The following AGL variants were observed in gnomAD, a reference collection of about 807,000 sequenced individuals.
AGL encodes the protein glycogen debranching enzyme.
A neutral mutation model predicts 199.3 loss-of-function variants in AGL; 128 were observed. The observed-to-expected ratio is 0.64, with a 90% CI of 0.56 to 0.74. AGL has a LOEUF of 0.74. Ranked by LOEUF, AGL falls within the 30% of genes least tolerant of loss-of-function variation. AGL has a pLI of 0.00. For missense variants in AGL, 1,809 were observed against 1,820.8 expected (o/e 0.99, Z 0.12); for synonymous variants, 584 against 594.7 (o/e 0.98, Z 0.26).
chr1:99,885,636 T>C (rs188478568), intron 20 of AGL, among the ~76,000 whole-genome samples: 1 of 152,222 alleles, frequency 6.6e-6, no homozygotes, highest in East Asian at 1.9e-4. Flanking sequence ...TAGATTCTCA[T>C]AGGGACGTGA....
intron 20 of AGL, among the ~76,000 whole-genome samples, chr1:99,884,973 C>T (rs1652344434): frequency 6.6e-6 from 1 of 152,198 alleles, no homozygotes; most frequent in South Asian, 2.1e-4. Context: ...TACACACACA[C>T]ACAATTTCTC....
intron 20 of AGL, among the ~76,000 whole-genome samples, chr1:99,885,581 G>A (rs753895472): frequency 3.0e-4 from 45 of 152,058 alleles, no homozygotes; most frequent in Non-Finnish European, 5.4e-4. Context: ...CCCATCACTC[G>A]CATTACCACC....
In AGL at chr1:99,887,418, A is replaced by G. The variant is rs115248505; in HGVS notation, c.2682-560A>G. Among the ~76,000 whole-genome samples, 659 of 152,324 alleles carry G rather than the reference A, an allele frequency of 4.3e-3. 1 individual carries two copies. The highest frequency in any genetic ancestry group is 0.015 in the African/African-American group (621 of 41,576). On this transcript the variant is annotated intron_variant, in intron 20 of 33. Coordinates refer to ENST00000361915, the MANE Select transcript of AGL (RefSeq NM_000642.3). ...AATAAACAAGCTGAGGGGCAGTGCA[A>G]CCTTAGAGAAGAGAAAGGAAGGGAC... is the stretch of plus-strand genomic sequence containing the variant.
At chr1:99,905,372 TTTG>T (rs150259594) in intron 27 of AGL, among the ~76,000 whole-genome samples, 2,076 of 150,978 alleles carry the variant, frequency 0.014, 38 homozygotes, top group African/African-American at 0.042. Context: ...ATTTTTTGTA[TTTG>T]TTGTTGTTGT....
In AGL at chr1:99,891,750, C is replaced by A; in HGVS notation, c.3083+11C>A. 1 of 1,613,186 alleles carries A rather than the reference C, an allele frequency of 6.2e-7. No homozygotes were observed. The highest frequency in any genetic ancestry group is 8.5e-7 in the Non-Finnish European group (1 of 1,179,408). Reference sequence around the variant, plus strand: ...GAAGCAGATGTCAAGGTATATCCAACAAAGCTTGAATAAATGGGCATATCT... The same window carrying A: ...GAAGCAGATGTCAAGGTATATCCAAAAAAGCTTGAATAAATGGGCATATCT... On this transcript the variant is annotated intron_variant, in intron 23 of 33. Coordinates refer to ENST00000361915, the MANE Select transcript of AGL (RefSeq NM_000642.3).
At chr1:99,886,819 T>C (rs1418527445) in intron 20 of AGL, among the ~76,000 whole-genome samples, 1 of 152,234 alleles carries the variant, frequency 6.6e-6, no homozygotes, top group East Asian at 1.9e-4. Context: ...CAAACTATTC[T>C]TAATAAAGTA....
At chr1:99,871,683 A>G (rs1406492918) in intron 7 of AGL, among the ~76,000 whole-genome samples, 3 of 152,178 alleles carry the variant, frequency 2.0e-5, no homozygotes, top group Non-Finnish European at 2.9e-5. Context: ...AACTTTTGCA[A>G]TTGTGTAACA....
At chr1:99,912,668 G>T (rs146682662) in intron 29 of AGL, 151 bp downstream of exon 29, 15 of 685,166 alleles carry the variant, frequency 2.2e-5, no homozygotes, top group Non-Finnish European at 3.4e-5. Context: ...TGTGAAAATT[G>T]TAACAATTCT....
intron 24 of AGL, among the ~76,000 whole-genome samples, chr1:99,894,272 TCTTA>T (rs1653136671): frequency 6.6e-6 from 1 of 152,200 alleles, no homozygotes; most frequent in Non-Finnish European, 1.5e-5. Context: ...AGTTGTGTAC[TCTTA>T]GAGGTCAAAA....
chr1:99,889,129 G>A (rs1652682707), intron 21 of AGL, among the ~76,000 whole-genome samples: 1 of 152,054 alleles, frequency 6.6e-6, no homozygotes, highest in African/African-American at 2.4e-5. Context: ...ATTATGGTTA[G>A]GATTAATGAA....
In AGL at chr1:99,897,565, G is replaced by A. The variant is rs141548263; in HGVS notation, c.3362+1177G>A. On this transcript the variant is annotated intron_variant, in intron 25 of 33. Transcript: ENST00000361915. Reference sequence around the variant, plus strand: ...AAATGAATTGCATTTTTGTTAATCCGATATATAGTAAGACCTTTTTGTATT... The same window carrying A: ...AAATGAATTGCATTTTTGTTAATCCAATATATAGTAAGACCTTTTTGTATT... Among the ~76,000 whole-genome samples, 549 of 152,234 alleles carry A rather than the reference G, an allele frequency of 3.6e-3. 1 individual carries two copies. Among genetic ancestry groups the A allele is most frequent in the African/African-American group, 0.013 (528 of 41,526 alleles).
rs777871903 is a variant in AGL, at chr1:99,880,684, T to C, written c.1788T>C (p.Tyr596=). 7 of 1,614,076 alleles carry C rather than the reference T, an allele frequency of 4.3e-6. No homozygotes were observed. The highest frequency in any genetic ancestry group is 4.2e-6 in the Non-Finnish European group (5 of 1,179,932). The stretch of plus-strand genomic sequence containing the variant: ...AAGAGGGCAGATTAGTTTACCGATA[T>C]GGAGGAGAACCTGTTGGATCCTTTG... ...SHEEGRLVYR[Y]GGEPVGSFVQ... is the part of the protein sequence containing the mutation. Residue 596 remains tyrosine (Y), a synonymous_variant, in exon 14 of 34, where the codon TAT becomes TAC. Transcript: ENST00000361915.
intron 33 of AGL, among the ~76,000 whole-genome samples, chr1:99,918,722 G>A (rs1260138617): frequency 6.6e-6 from 1 of 152,024 alleles, no homozygotes; most frequent in Non-Finnish European, 1.5e-5. Flanking sequence ...GCTTTGTTTT[G>A]GAATGCAGTG....
rs1651979596 is a variant in AGL, at chr1:99,881,104, G to A, written c.1928G>A (p.Ser643Asn). 6.2e-7 allele frequency: 1 copy of A among 1,613,904 alleles called. No individual in the cohort carries two copies. Among genetic ancestry groups the A allele is most frequent in the East Asian group, 2.2e-5 (1 of 44,856 alleles). Residue 643 changes from serine (S) to asparagine (N), a missense_variant, in exon 15 of 34, where the codon AGT (serine) becomes AAT (asparagine). Physicochemically the swap from Ser to Asn is conservative, Grantham distance 46. Coordinates refer to ENST00000361915, the MANE Select transcript of AGL (RefSeq NM_000642.3). The part of the protein sequence containing the change: ...VHRSAYDALP[S>N]TTIVSMACCA... Reference sequence around the variant, plus strand: ...AGATCAGCGTATGATGCTCTTCCAAGTACTACAATTGTTTCTATGGCATGT... The same window carrying A: ...AGATCAGCGTATGATGCTCTTCCAAATACTACAATTGTTTCTATGGCATGT...
At chr1:99,887,331 A>G (rs949143035) in intron 20 of AGL, among the ~76,000 whole-genome samples, 3 of 152,180 alleles carry the variant, frequency 2.0e-5, no homozygotes, top group African/African-American at 4.8e-5. Context: ...CAAGGCCATG[A>G]TAGTCTTCCC....
intron 5 of AGL, among the ~76,000 whole-genome samples, chr1:99,866,871 T>C (rs1433712635): frequency 4.6e-5 from 7 of 151,896 alleles, no homozygotes; most frequent in Admixed American, 4.6e-4. Flanking sequence ...CAGGCTGGAG[T>C]GCAATGGCGC....
intron 7 of AGL, 178 bp from the exon 8 acceptor site, chr1:99,874,509 A>C: frequency 3.3e-6 from 2 of 614,184 alleles, no homozygotes; most frequent in Non-Finnish European, 5.6e-6. Flanking sequence ...GCGTGCACGC[A>C]CGTGCACACA....
chr1:99,874,570 A>G, intron 7 of AGL, 117 bp from the exon 8 acceptor site: 5 of 1,033,490 alleles, frequency 4.8e-6, no homozygotes, highest in Non-Finnish European at 5.7e-6. Context: ...TACCTGTGAA[A>G]TAAATATTTG....
In AGL at chr1:99,912,444, T is replaced by C; in HGVS notation, c.3876T>C (p.Ser1292=). The C allele has an allele frequency of 1.2e-6, 2 of 1,614,108 alleles. No homozygotes were observed. The highest frequency in any genetic ancestry group is 1.7e-6 in the Non-Finnish European group (2 of 1,179,998). ...TGGAAATTGTGGGCCTGAGTAAATC[T>C]GCTGTTCGCTGGTTGCTGGAATTAT... ...SAVEIVGLSK[S]AVRWLLELSK... Residue 1292 remains serine (S), a synonymous_variant, in exon 29 of 34, where the codon TCT becomes TCC. Transcript: ENST00000361915.
Sources: gnomAD v4.1 joint callset for allele counts (sites outside exome capture counted in the v4.1 genomes callset) on GRCh38, gnomAD v4.1.1 for gene constraint, MANE v1.5 for transcripts, NCBI Gene and HGNC (gene_info 2026-07-23, HGNC 2026-07-21) for gene names.